DYNLT2: variants seen among roughly 807,000 people sequenced by gnomAD.
The protein encoded by DYNLT2 is dynein light chain Tctex-type 2.
Under a neutral mutation model 24.3 loss-of-function variants are expected in DYNLT2, and 24 were observed. The observed-to-expected ratio is 0.99, with a 90% CI of 0.71 to 1.39. The LOEUF is 1.39. DYNLT2 is among the 40% of genes most tolerant of loss of function. The probability of loss-of-function intolerance (pLI) is 0.00; values close to 1 mark genes in which losing one functional copy is unlikely to be tolerated. For synonymous variants in DYNLT2, 85 were observed against 85.4 expected (o/e 1.00, Z 0.03); for missense variants, 246 against 234.5 (o/e 1.05, Z -0.32).
chr6:169,741,215 A>G (rs984245460), intron 3 of DYNLT2, among the ~76,000 whole-genome samples: 1 of 152,150 alleles, frequency 6.6e-6, no homozygotes, highest in Non-Finnish European at 1.5e-5. Context: ...GTAAAATATG[A>G]CACTGTGAAA....
chr6:169,751,223 G>C lies in DYNLT2; in HGVS notation c.120+116C>G, dbSNP rs1057456848. 6.9e-6 allele frequency: 10 copies of C among 1,442,454 alleles called. No individual in the cohort carries two copies. The African/African-American group carries it at 1.1e-4, about 16-fold the overall frequency. The allele number at this position is 1,442,454 out of a possible 1,614,324, so 89.4% of individuals were successfully genotyped here. ...CTGGGGAAAAAAGAAACACAAAAGG[G>C]AGATGCTGCCTCCTTGGCTCTGGGG... On this transcript the variant is annotated intron_variant, in intron 1 of 3. Coordinates refer to ENST00000366774, the MANE Select transcript of DYNLT2 (RefSeq NM_174910.3).
the DYNLT2 span, among the ~76,000 whole-genome samples, chr6:169,732,035 A>G: frequency 2.6e-5 from 4 of 152,238 alleles, no homozygotes; most frequent in African/African-American, 9.6e-5. Flanking sequence ...TGACAAGTTC[A>G]TCAGGAAGGC....
chr6:169,734,292 T>C, the DYNLT2 span, among the ~76,000 whole-genome samples: 3 of 152,340 alleles, frequency 2.0e-5, no homozygotes, highest in East Asian at 5.8e-4. Context: ...TCTTGCCTGA[T>C]TGCCCTGGCC....
chr6:169,738,546 C>G (rs1316303797), downstream of DYNLT2: 3 of 152,196 alleles, frequency 2.0e-5, no homozygotes, highest in African/African-American at 2.4e-5. Flanking sequence ...TTCCCCTTCC[C>G]CATGTGGCTC....
chr6:169,735,564 T>C (rs1789543916), downstream of DYNLT2, among the ~76,000 whole-genome samples: 1 of 152,224 alleles, frequency 6.6e-6, no homozygotes, highest in Non-Finnish European at 1.5e-5. Flanking sequence ...CAGGAGCAGG[T>C]TGTTCAACTT....
chr6:169,745,621 T>C (rs1562997509), intron 1 of DYNLT2, among the ~76,000 whole-genome samples: 1 of 152,224 alleles, frequency 6.6e-6, no homozygotes, highest in Non-Finnish European at 1.5e-5. Flanking sequence ...CAGGAACAAA[T>C]TTCACTTGGC....
At chr6:169,747,637 C>G (rs1789837606) in intron 1 of DYNLT2, among the ~76,000 whole-genome samples, 1 of 152,146 alleles carries the variant, frequency 6.6e-6, no homozygotes, top group Admixed American at 6.6e-5. Flanking sequence ...CATGCTCAGT[C>G]TTTCTCTACA....
chr6:169,740,427 G>C, intron 3 of DYNLT2, 132 bp from the exon 4 acceptor site: 1 of 622,972 alleles, frequency 1.6e-6, no homozygotes, highest in Non-Finnish European at 2.9e-6. Context: ...AATTTGTCTG[G>C]TTTTCCCTTT....
the DYNLT2 span, among the ~76,000 whole-genome samples, chr6:169,731,962 C>T: frequency 6.6e-6 from 1 of 152,160 alleles, no homozygotes; most frequent in East Asian, 1.9e-4. Context: ...ATTTTACAAA[C>T]AAGTCTATCT....
At chr6:169,732,229 C>A in the DYNLT2 span, among the ~76,000 whole-genome samples, 1 of 151,702 alleles carries the variant, frequency 6.6e-6, no homozygotes, top group Non-Finnish European at 1.5e-5. Context: ...AACAGTTGTT[C>A]TGATATATAG....
At chr6:169,751,270 A>G (rs901597907) in intron 1 of DYNLT2, 69 bp downstream of exon 1, 192 of 1,551,818 alleles carry the variant, frequency 1.2e-4, no homozygotes, top group Non-Finnish European at 1.7e-4. Flanking sequence ...AGCGGGGCCC[A>G]CTGGGGAGCG....
the DYNLT2 span, among the ~76,000 whole-genome samples, chr6:169,730,683 A>G: frequency 6.6e-5 from 10 of 152,182 alleles, no homozygotes; most frequent in South Asian, 1.2e-3. Context: ...TGGATCACGA[A>G]GTCAGGAGAT....
At chr6:169,751,116 G>C in intron 1 of DYNLT2, 1 of 588,112 alleles carries the variant, frequency 1.7e-6, no homozygotes, top group Non-Finnish European at 2.9e-6. Flanking sequence ...GGGTTCTATG[G>C]CCCTAATTAA....
chr6:169,735,623 T>C (rs1789545039), downstream of DYNLT2, among the ~76,000 whole-genome samples: 1 of 152,234 alleles, frequency 6.6e-6, no homozygotes, highest in African/African-American at 2.4e-5. Flanking sequence ...TGAGTTCTAA[T>C]TTGATTGCAC....
At chr6:169,744,406 G>GAT (rs1789748784) in intron 1 of DYNLT2, 132 bp from the exon 2 acceptor site, 1 of 746,630 alleles carries the variant, frequency 1.3e-6, no homozygotes, top group African/African-American at 1.8e-5. Flanking sequence ...TTGTTAAACA[G>GAT]ATTTCTACAA....
chr6:169,749,791 A>G (rs549618155), intron 1 of DYNLT2: 4 of 152,336 alleles, frequency 2.6e-5, no homozygotes, highest in South Asian at 2.1e-4. Flanking sequence ...AGGTGCTACC[A>G]CTAGAAAAAA....
At chr6:169,725,145 C>T in the DYNLT2 span, 1 of 398,698 alleles carries the variant, frequency 2.5e-6, no homozygotes, top group Non-Finnish European at 4.4e-6. Flanking sequence ...CTTGTAGGAC[C>T]GCACTAAAAA....
At chr6:169,736,401 C>T (rs1224186972), downstream of DYNLT2, among the ~76,000 whole-genome samples, 1 of 152,146 alleles carries the variant, frequency 6.6e-6, no homozygotes, top group African/African-American at 2.4e-5. Flanking sequence ...CCAGTTTCTT[C>T]ATAGTGTCAT....
downstream of DYNLT2, among the ~76,000 whole-genome samples, chr6:169,736,295 G>A (rs962279071): frequency 3.3e-5 from 5 of 151,922 alleles, no homozygotes. Context: ...TCTTTTAATT[G>A]GTGGCATTCA....
Sources: gnomAD v4.1 joint callset for allele counts (sites outside exome capture counted in the v4.1 genomes callset) on GRCh38, gnomAD v4.1.1 for gene constraint, MANE v1.5 for transcripts, NCBI Gene and HGNC (gene_info 2026-07-23, HGNC 2026-07-21) for gene names.